Variants in SH3BP5 observed in about 807,000 individuals in gnomAD.
SH3BP5 encodes the protein SH3 domain binding protein 5, also known as SH3 domain-binding protein 5.
Under a neutral mutation model 43.3 loss-of-function variants are expected in SH3BP5, and 22 were observed. That is an observed-to-expected ratio of 0.51 (90% CI 0.36 to 0.73). The LOEUF is 0.73. Among genes scored for constraint, SH3BP5 ranks in the 30% least tolerant of loss-of-function variants. SH3BP5 has a pLI of 0.00. For missense variants in SH3BP5, 529 were observed against 586.9 expected (o/e 0.90, Z 1.02); for synonymous variants, 255 against 225.8 (o/e 1.13, Z -1.16).
At chr3:15,297,120 T>C (rs1697599522) in intron 3 of SH3BP5, among the ~76,000 whole-genome samples, 2 of 152,240 alleles carry the variant, frequency 1.3e-5, no homozygotes, top group African/African-American at 4.8e-5. Flanking sequence ...TCGACCCATT[T>C]CATTTCATTC....
chr3:15,282,898 A>G (rs1323784712), intron 3 of SH3BP5, among the ~76,000 whole-genome samples: 2 of 152,158 alleles, frequency 1.3e-5, no homozygotes, highest in African/African-American at 4.8e-5. Context: ...TCCACTGATT[A>G]TTCTACTTTT....
intron 5 of SH3BP5, among the ~76,000 whole-genome samples, chr3:15,261,457 C>G (rs900070935): frequency 1.3e-5 from 2 of 152,196 alleles, no homozygotes; most frequent in African/African-American, 4.8e-5. Context: ...TGCCCAGCCC[C>G]TCCTGGCTGG....
Position 15,256,964 on chromosome 3 carries a change from G to A in SH3BP5, c.1039C>T (p.Leu347=), listed in dbSNP as rs2125037130. ...QFPAVVRPGS[L]DLPSPVSLSE... is the part of the protein sequence containing the mutation. ...AGGGACACAGGGCTGGGCAGATCCAGGCTGCCAGGCCTCACAACCGCAGGG... is the reference window on the plus strand; with the variant it reads ...AGGGACACAGGGCTGGGCAGATCCAAGCTGCCAGGCCTCACAACCGCAGGG... The change falls in exon 8 of 9, where the codon CTG becomes TTG. Residue 347 remains leucine, a synonymous_variant. Coordinates refer to ENST00000383791, the MANE Select transcript of SH3BP5 (RefSeq NM_004844.5). 4 of 1,614,238 alleles carry A rather than the reference G, an allele frequency of 2.5e-6. No individual in the cohort carries two copies. The African/African-American group carries it at 5.3e-5, about 22-fold the overall frequency.
At chr3:15,320,944 G>C (rs1698310739) in intron 2 of SH3BP5, among the ~76,000 whole-genome samples, 1 of 152,152 alleles carries the variant, frequency 6.6e-6, no homozygotes. Context: ...TCAGCTGAGG[G>C]GCCAGAAGAG....
At position 15,258,843 on chromosome 3, in the gene SH3BP5, C is replaced by A; in HGVS notation, c.877G>T (p.Asp293Tyr). Residue 293 changes from aspartate to tyrosine, a missense_variant, in exon 7 of 9, where the codon GAT becomes TAT. Asp to Tyr is a radical substitution (Grantham distance 160). Transcript: ENST00000383791. ...EDLPGSKPEP[D>Y]AISVASEAFE... ...GCCCCTGACTTACCAGAAATGGCAT[C>A]AGGCTCAGGTTTGCTCCCTGGCAGA... 6.2e-7 allele frequency: 1 copy of A among 1,613,918 alleles called. No individual in the cohort carries two copies.
At chr3:15,285,929 C>T (rs1404040571) in intron 3 of SH3BP5, among the ~76,000 whole-genome samples, 1 of 152,252 alleles carries the variant, frequency 6.6e-6, no homozygotes, top group Non-Finnish European at 1.5e-5. Context: ...TTTTAACTAT[C>T]ACCTGCAAGA....
intron 2 of SH3BP5, among the ~76,000 whole-genome samples, chr3:15,320,579 A>G (rs915961018): frequency 1.1e-4 from 15 of 139,774 alleles, no homozygotes; most frequent in Admixed American, 6.6e-4. Context: ...GATGAGGTTC[A>G]ATAGAGGTTT....
intron 2 of SH3BP5, among the ~76,000 whole-genome samples, chr3:15,312,055 G>A (rs1271820141): frequency 6.6e-6 from 1 of 152,116 alleles, no homozygotes; most frequent in Non-Finnish European, 1.5e-5. Flanking sequence ...TGGGGGTGGG[G>A]GTGGGGCACC....
chr3:15,289,758 A>G (rs956788757), intron 3 of SH3BP5, among the ~76,000 whole-genome samples: 37 of 152,236 alleles, frequency 2.4e-4, no homozygotes, highest in African/African-American at 8.7e-4. Flanking sequence ...AGAGGAGCCT[A>G]CATAAACTAA....
chr3:15,280,555 A>C (rs1032297111), intron 3 of SH3BP5, among the ~76,000 whole-genome samples: 4 of 152,144 alleles, frequency 2.6e-5, no homozygotes, highest in African/African-American at 9.7e-5. Flanking sequence ...TGCTCAAAGC[A>C]TCAAGCCTGG....
At chr3:15,292,737 A>G (rs954455103) in intron 3 of SH3BP5, among the ~76,000 whole-genome samples, 1 of 152,116 alleles carries the variant, frequency 6.6e-6, no homozygotes, top group African/African-American at 2.4e-5. Flanking sequence ...AATCGCAGCT[A>G]CTCGGGAGGC....
At chr3:15,323,031 C>T (rs1698371535) in intron 2 of SH3BP5, among the ~76,000 whole-genome samples, 2 of 151,860 alleles carry the variant, frequency 1.3e-5, no homozygotes, top group East Asian at 1.9e-4. Flanking sequence ...CCCAGCTACT[C>T]GGGAGGCTAA....
At chr3:15,316,219 CTTTTTT>C (rs577644493) in intron 2 of SH3BP5, among the ~76,000 whole-genome samples, 10 of 81,684 alleles carry the variant, frequency 1.2e-4, no homozygotes, top group African/African-American at 4.7e-4. Flanking sequence ...AAAAGACTCG[CTTTTTT>C]TTTTTTTTTT....
chr3:15,278,100 G>A (rs1697022708), intron 3 of SH3BP5, among the ~76,000 whole-genome samples: 1 of 152,224 alleles, frequency 6.6e-6, no homozygotes, highest in Non-Finnish European at 1.5e-5. Flanking sequence ...CCCGGGGCAA[G>A]GCCCCTGCTC....
intron 4 of SH3BP5, among the ~76,000 whole-genome samples, chr3:15,265,091 C>G (rs111561742): frequency 2.0e-3 from 299 of 152,100 alleles, no homozygotes; most frequent in African/African-American, 6.9e-3. Context: ...TTGGAAAGCT[C>G]CGAGCCCATG....
chr3:15,262,122 G>A, intron 5 of SH3BP5, 37 bp downstream of exon 5: 1 of 1,611,510 alleles, frequency 6.2e-7, no homozygotes, highest in African/African-American at 1.3e-5. Context: ...GACTAGGACA[G>A]CCGCACGGCC....
chr3:15,259,545 A>G, intron 6 of SH3BP5: 1 of 638,958 alleles, frequency 1.6e-6, no homozygotes, highest in South Asian at 1.8e-5. Context: ...CCACTGGCCT[A>G]GTACAACAGA....
At chr3:15,272,459 A>G (rs141024707) in intron 3 of SH3BP5, among the ~76,000 whole-genome samples, 2,076 of 152,298 alleles carry the variant, frequency 0.014, 17 homozygotes, top group Admixed American at 0.023. Context: ...CGAACTCAGG[A>G]CTAAGGACAC....
At chr3:15,316,763 T>C (rs1575343960) in intron 2 of SH3BP5, among the ~76,000 whole-genome samples, 1 of 149,136 alleles carries the variant, frequency 6.7e-6, no homozygotes, top group Admixed American at 6.7e-5. Flanking sequence ...CAAAGCACCA[T>C]GAACAAAAGA....
Sources: gnomAD v4.1 joint callset for allele counts (sites outside exome capture counted in the v4.1 genomes callset) on GRCh38, gnomAD v4.1.1 for gene constraint, MANE v1.5 for transcripts, NCBI Gene and HGNC (gene_info 2026-07-23, HGNC 2026-07-21) for gene names.